The following GSE1 variants were observed in gnomAD, a reference collection of about 807,000 sequenced individuals.
GSE1 encodes the protein Gse1 coiled-coil protein, also known as genetic suppressor element 1.
Under a neutral mutation model 112.6 loss-of-function variants are expected in GSE1, and 32 were observed. The observed-to-expected ratio is 0.28, with a 90% CI of 0.21 to 0.38. The LOEUF (loss-of-function observed/expected upper bound fraction) is 0.38, where lower values mean the gene tolerates loss of function less well. GSE1 is among the 10% of genes least tolerant of loss of function. The pLI is 1.00. For synonymous variants in GSE1, 1,115 were observed against 735.6 expected, an observed-to-expected ratio of 1.52 and a Z score of -8.35; for missense variants, 2,348 against 1,699.2, an observed-to-expected ratio of 1.38 and a Z score of -6.71.
chr16:85,494,927 G>A lies in GSE1; in HGVS notation c.2464+137284G>A, dbSNP rs539587815. The stretch of plus-strand genomic sequence containing the variant: ...CTGTCCCCTGCCTCTGCCGGTGCAG[G>A]CTTTCTGCATCGGACTCCTGCTGCT... On this transcript the variant is annotated intron_variant, in intron 2 of 2. Coordinates refer to the GSE1 transcript ENST00000637419. Among the ~76,000 whole-genome samples the A allele has an allele frequency of 2.0e-5, 3 of 148,984 alleles. No homozygotes were observed. The East Asian group carries it at 5.9e-4, about 29-fold the overall frequency.
chr16:85,646,820 A>G (rs912060235), intron 2 of GSE1, among the ~76,000 whole-genome samples: 5 of 147,414 alleles, frequency 3.4e-5, no homozygotes, highest in Non-Finnish European at 7.5e-5. Flanking sequence ...CCCCAGGCCC[A>G]GGCCTCACTG....
intron 1 of GSE1, among the ~76,000 whole-genome samples, chr16:85,202,212 C>G (rs1003975427): frequency 2.6e-5 from 4 of 152,222 alleles, no homozygotes; most frequent in African/African-American, 9.6e-5. Flanking sequence ...CTGGCTGTCC[C>G]CCTCCCAGGA....
chr16:85,457,282 G>A lies in GSE1; in HGVS notation c.2464+99639G>A, dbSNP rs116905983. ...CCAGAGCAAGGAAGATGCTCTGGGA[G>A]GAGAGAAGGGAGCATGTCCATCTCC... On this transcript the variant is annotated intron_variant, in intron 2 of 2. Transcript: ENST00000637419. Among the ~76,000 whole-genome samples, 125 of 152,336 alleles carry A rather than the reference G, an allele frequency of 8.2e-4. 1 individual carries two copies. Among genetic ancestry groups the A allele is most frequent in the East Asian group, 4.2e-3 (22 of 5,178 alleles).
At chr16:85,503,320 G>A (rs774290846) in intron 2 of GSE1, among the ~76,000 whole-genome samples, 7 of 152,204 alleles carry the variant, frequency 4.6e-5, no homozygotes, top group Non-Finnish European at 1.0e-4. Context: ...CCCCAGGAGG[G>A]AAGGGTGTGG....
chr16:85,263,825 G>A (rs1907959691), intron 1 of GSE1, among the ~76,000 whole-genome samples: 1 of 152,020 alleles, frequency 6.6e-6, no homozygotes, highest in Admixed American at 6.5e-5. Flanking sequence ...TGCCTTCCTC[G>A]GCCTCCCAAA....
chr16:85,267,938 C>T (rs934841096), intron 1 of GSE1, among the ~76,000 whole-genome samples: 8 of 152,204 alleles, frequency 5.3e-5, no homozygotes, highest in African/African-American at 1.9e-4. Context: ...GTTTCTTCAT[C>T]TGGGAGATGG....
chr16:85,616,070 C>T (rs2048352180), intron 1 of GSE1, among the ~76,000 whole-genome samples: 1 of 152,244 alleles, frequency 6.6e-6, no homozygotes, highest in Non-Finnish European at 1.5e-5. Context: ...AGAAGCCAAG[C>T]CTGCCTGTGG....
chr16:85,567,776 G>A (rs1165705890), intron 1 of GSE1, among the ~76,000 whole-genome samples: 2 of 152,222 alleles, frequency 1.3e-5, no homozygotes, highest in African/African-American at 4.8e-5. Context: ...GGGCTGGAGT[G>A]TAGTGGTGCG....
intron 2 of GSE1, among the ~76,000 whole-genome samples, chr16:85,511,740 G>A (rs1281486535): frequency 6.6e-6 from 1 of 152,122 alleles, no homozygotes; most frequent in Non-Finnish European, 1.5e-5. Context: ...GACACGCAGG[G>A]GCTGGAGTGA....
Position 85,613,413 on chromosome 16 carries a change from C to T in GSE1, c.7+15C>T. On this transcript the variant is annotated intron_variant, in intron 1 of 15. Transcript: ENST00000253458. ...TGGCATGAAAGGTGAGCGCGCCGCA[C>T]CCGGCCGGGGACGGGGTCCTCCCCC... The T allele has an allele frequency of 1.3e-6, 2 of 1,553,546 alleles. No individual in the cohort carries two copies. The highest frequency in any genetic ancestry group is 1.7e-6 in the Non-Finnish European group (2 of 1,149,500).
chr16:85,486,632 C>T (rs2050848918), intron 2 of GSE1, among the ~76,000 whole-genome samples: 1 of 152,300 alleles, frequency 6.6e-6, no homozygotes, highest in South Asian at 2.1e-4. Context: ...CTGCCCTGGT[C>T]CCCAGCCTCG....
intron 1 of GSE1, among the ~76,000 whole-genome samples, chr16:85,251,541 C>A (rs1178793660): frequency 2.0e-5 from 3 of 152,208 alleles, no homozygotes; most frequent in Admixed American, 2.0e-4. Context: ...TCCGCCTGAC[C>A]CAGAAACCAG....
intron 1 of GSE1, among the ~76,000 whole-genome samples, chr16:85,219,775 T>A (rs4592641): frequency 6.6e-6 from 1 of 151,812 alleles, no homozygotes. Context: ...CACAGCCCCA[T>A]GACTATGGGA....
chr16:85,331,442 CGTATATATGTATATATATGTGT>C lies in GSE1; in HGVS notation c.2284-26004_2284-25983del, dbSNP rs1354052095. Among the ~76,000 whole-genome samples, 13 of 93,574 alleles carry C rather than the reference CGTATATATGTATATATATGTGT, an allele frequency of 1.4e-4. 1 individual carries two copies. Among genetic ancestry groups the C allele is most frequent in the African/African-American group, 5.4e-4 (13 of 24,124 alleles). The allele number at this position is 93,574 out of a possible 152,430, so 61.4% of individuals were successfully genotyped here. The stretch of plus-strand genomic sequence containing the variant: ...ATATATGTATATATGTATATATATG[CGTATATATGTATATATATGTGT>C]GTATATATGTATATATGTGTATATA... On this transcript the variant is annotated intron_variant, in intron 1 of 2. Transcript: ENST00000637419.
At chr16:85,188,167 G>A (rs978256595) in intron 1 of GSE1, among the ~76,000 whole-genome samples, 12 of 152,154 alleles carry the variant, frequency 7.9e-5, no homozygotes, top group African/African-American at 2.7e-4. Flanking sequence ...CACCCCGTGG[G>A]CTCCCAGTGC....
chr16:85,232,840 C>T (rs932666105), intron 1 of GSE1, among the ~76,000 whole-genome samples: 4 of 152,262 alleles, frequency 2.6e-5, no homozygotes, highest in Admixed American at 1.3e-4. Flanking sequence ...GATCTCAACC[C>T]TATGTTAGGA....
chr16:85,588,111 G>C (rs2046794203), intron 1 of GSE1, among the ~76,000 whole-genome samples: 2 of 152,172 alleles, frequency 1.3e-5, no homozygotes, highest in Admixed American at 1.3e-4. Flanking sequence ...GGGCGACGCT[G>C]TCCTTGCCAG....
intron 1 of GSE1, among the ~76,000 whole-genome samples, chr16:85,242,727 A>T (rs1905261928): frequency 6.6e-6 from 1 of 152,106 alleles, no homozygotes; most frequent in African/African-American, 2.4e-5. Context: ...GGGGATTCTG[A>T]TGTAATTGGC....
At chr16:85,481,133 C>A (rs1012719236) in intron 2 of GSE1, among the ~76,000 whole-genome samples, 4 of 152,260 alleles carry the variant, frequency 2.6e-5, no homozygotes, top group Non-Finnish European at 5.9e-5. Flanking sequence ...CTTCTCTCCC[C>A]ACCCGGTCCA....
Sources: allele counts gnomAD v4.1 joint callset (sites outside exome capture counted in the v4.1 genomes callset), GRCh38; gene constraint gnomAD v4.1.1; transcripts MANE v1.5; gene names NCBI Gene and HGNC (gene_info 2026-07-23, HGNC 2026-07-21).